MTUS2: variants seen among roughly 807,000 people sequenced by gnomAD.
The protein encoded by MTUS2 is microtubule-associated tumor suppressor candidate 2.
In MTUS2, 40 loss-of-function variants were observed where a neutral mutation model predicts 114.1. That is an observed-to-expected ratio of 0.35 (90% CI 0.27 to 0.46). The LOEUF is 0.46. Among genes scored for constraint, MTUS2 ranks in the 20% least tolerant of loss-of-function variants. The pLI is 1.00. For missense variants in MTUS2, 1,679 were observed against 1,705.4 expected (o/e 0.98, Z 0.27); for synonymous variants, 688 against 672.0 (o/e 1.02, Z -0.37).
At chr13:29,252,497 G>T (rs1297505267) in intron 5 of MTUS2, among the ~76,000 whole-genome samples, 1 of 152,152 alleles carries the variant, frequency 6.6e-6, no homozygotes, top group African/African-American at 2.4e-5. Flanking sequence ...AAATGTAGGA[G>T]GCAGGGGAGG....
intron 2 of MTUS2, among the ~76,000 whole-genome samples, chr13:28,925,473 A>G (rs951643276): frequency 4.6e-5 from 7 of 152,228 alleles, no homozygotes; most frequent in Non-Finnish European, 1.0e-4. Context: ...ATCATTAGCT[A>G]CTTTTAAGCA....
chr13:29,342,535 G>A (rs1233047462), intron 7 of MTUS2, among the ~76,000 whole-genome samples: 1 of 152,000 alleles, frequency 6.6e-6, no homozygotes, highest in Non-Finnish European at 1.5e-5. Context: ...CTGAATTCAT[G>A]TGTCAGTTCT....
chr13:29,056,174 G>A (rs1240561920), intron 4 of MTUS2, among the ~76,000 whole-genome samples: 1 of 151,960 alleles, frequency 6.6e-6, no homozygotes, highest in Non-Finnish European at 1.5e-5. Context: ...TGTCCAGATA[G>A]GCATTTCCTA....
At chr13:29,184,512 A>G (rs1894140466) in intron 5 of MTUS2, among the ~76,000 whole-genome samples, 1 of 152,202 alleles carries the variant, frequency 6.6e-6, no homozygotes, top group African/African-American at 2.4e-5. Flanking sequence ...AGCATTGGGA[A>G]AGCAGGACAT....
At chr13:29,014,613 A>G (rs1885988417) in intron 2 of MTUS2, among the ~76,000 whole-genome samples, 1 of 152,186 alleles carries the variant, frequency 6.6e-6, no homozygotes, top group Non-Finnish European at 1.5e-5. Flanking sequence ...AGGGTAGAGG[A>G]GGACCATCCA....
chr13:29,151,946 G>A (rs1465500663), intron 5 of MTUS2, among the ~76,000 whole-genome samples: 2 of 152,122 alleles, frequency 1.3e-5, no homozygotes, highest in African/African-American at 4.8e-5. Flanking sequence ...GTGTTTTGTT[G>A]AGGATTTTTG....
chr13:29,005,407 C>G (rs1452248816), intron 2 of MTUS2, among the ~76,000 whole-genome samples: 1 of 152,116 alleles, frequency 6.6e-6, no homozygotes, highest in Non-Finnish European at 1.5e-5. Flanking sequence ...TATCTATGAA[C>G]TTGGCAAAGT....
chr13:29,147,599 G>A lies in MTUS2; in HGVS notation c.2644+46629G>A, dbSNP rs750343410. ...CCATTTCCCTTCTCTCTCTCTCCCCGCTGTACTAGTCCCTAGCAGTCTATT... is the reference window on the plus strand; with the variant it reads ...CCATTTCCCTTCTCTCTCTCTCCCCACTGTACTAGTCCCTAGCAGTCTATT... On this transcript the variant is annotated intron_variant, in intron 5 of 15. Coordinates refer to ENST00000612955, the MANE Select transcript of MTUS2 (RefSeq NM_001033602.4). 1.3e-4 allele frequency among the ~76,000 whole-genome samples: 19 copies of A among 151,862 alleles called. 1 individual carries two copies. Among genetic ancestry groups the A allele is most frequent in the Admixed American group, 2.6e-4 (4 of 15,234 alleles).
intron 5 of MTUS2, among the ~76,000 whole-genome samples, chr13:29,187,489 A>G (rs1247612667): frequency 6.6e-6 from 1 of 152,180 alleles, no homozygotes; most frequent in Admixed American, 6.5e-5. Flanking sequence ...AAGAAATTAG[A>G]TAAGTGAAAT....
At chr13:29,008,439 A>G (rs932898480) in intron 2 of MTUS2, among the ~76,000 whole-genome samples, 1 of 152,106 alleles carries the variant, frequency 6.6e-6, no homozygotes, top group Non-Finnish European at 1.5e-5. Context: ...GAACTGGTTC[A>G]TCTCTGGGCC....
At chr13:29,178,147 C>T (rs563670467) in intron 5 of MTUS2, among the ~76,000 whole-genome samples, 6 of 152,126 alleles carry the variant, frequency 3.9e-5, no homozygotes, top group South Asian at 2.1e-4. Flanking sequence ...AGCGAACTAC[C>T]GGGCATTTGG....
chr13:28,956,753 G>T (rs1235141946), intron 2 of MTUS2, among the ~76,000 whole-genome samples: 1 of 152,128 alleles, frequency 6.6e-6, no homozygotes, highest in African/African-American at 2.4e-5. Context: ...ATAAGCTGGT[G>T]GGAAGGAAGT....
At chr13:28,945,053 G>C (rs955205064) in intron 2 of MTUS2, among the ~76,000 whole-genome samples, 11 of 151,910 alleles carry the variant, frequency 7.2e-5, no homozygotes, top group Admixed American at 2.6e-4. Context: ...ATTTAGCTCT[G>C]AGTGGTGAGA....
At position 29,114,974 on chromosome 13, in the gene MTUS2, A is replaced by G. The variant is rs114701832; in HGVS notation, c.2644+14004A>G. ...TTACCCCCATGAATTTGCCATGCAG[A>G]TGATAGAGCTATTAAATTACTGTAG... On this transcript the variant is annotated intron_variant, in intron 5 of 15. Transcript: ENST00000612955. Among the ~76,000 whole-genome samples, 1,022 of 152,364 alleles carry G rather than the reference A, an allele frequency of 6.7e-3. 12 individuals carry two copies. Among genetic ancestry groups the G allele is most frequent in the African/African-American group, 0.023 (950 of 41,592 alleles).
At chr13:29,071,662 A>G (rs1415843903) in intron 4 of MTUS2, among the ~76,000 whole-genome samples, 2 of 151,264 alleles carry the variant, frequency 1.3e-5, no homozygotes, top group East Asian at 4.0e-4. Context: ...TCCTGACTTC[A>G]TGATCCGCCC....
chr13:29,441,500 C>T lies in MTUS2; in HGVS notation c.3184+1451C>T, dbSNP rs569032309. ...ACAGCTGCAGTGATGACCTCATTGC[C>T]AAGGCCTCCATGATTGAAGCCTCTG... On this transcript the variant is annotated intron_variant, in intron 9 of 15. Coordinates refer to ENST00000612955, the MANE Select transcript of MTUS2 (RefSeq NM_001033602.4). Among the ~76,000 whole-genome samples, 4 of 152,180 alleles carry T rather than the reference C, an allele frequency of 2.6e-5. No homozygotes were observed. The South Asian group carries it at 6.2e-4, about 24-fold the overall frequency.
At chr13:28,937,219 T>C (rs963696116) in intron 2 of MTUS2, among the ~76,000 whole-genome samples, 2 of 151,942 alleles carry the variant, frequency 1.3e-5, no homozygotes, top group African/African-American at 4.8e-5. Flanking sequence ...GATTGTAAAA[T>C]GCACCAATCA....
intron 8 of MTUS2, among the ~76,000 whole-genome samples, chr13:29,439,107 C>G (rs9506188): frequency 0.76 from 115,618 of 152,174 alleles, 44,379 homozygotes; most frequent in African/African-American, 0.85. Flanking sequence ...CACTTTGCTT[C>G]GAGAGTCCAT....
intron 6 of MTUS2, among the ~76,000 whole-genome samples, chr13:29,315,328 C>G (rs995917936): frequency 1.3e-5 from 2 of 152,042 alleles, no homozygotes; most frequent in African/African-American, 4.8e-5. Context: ...TGGCATGGTC[C>G]CAACACAAAG....
Sources: allele counts gnomAD v4.1 joint callset (sites outside exome capture counted in the v4.1 genomes callset), GRCh38; gene constraint gnomAD v4.1.1; transcripts MANE v1.5; gene names NCBI Gene and HGNC (gene_info 2026-07-23, HGNC 2026-07-21).